Variants in TENM3 observed in about 807,000 individuals in gnomAD.
TENM3 encodes the protein teneurin transmembrane protein 3, also known as teneurin-3.
In TENM3, 63 loss-of-function variants were observed where a neutral mutation model predicts 255.1. The observed-to-expected ratio is 0.25, with a 90% confidence interval of 0.20 to 0.30. The LOEUF (loss-of-function observed/expected upper bound fraction) is 0.30, where lower values mean the gene tolerates loss of function less well. Among genes scored for constraint, TENM3 ranks in the 10% least tolerant of loss-of-function variants. TENM3 has a pLI of 1.00. For missense variants in TENM3, 2,929 were observed against 3,461.1 expected (o/e 0.85, Z 3.86); for synonymous variants, 1,306 against 1,322.3 (o/e 0.99, Z 0.27).
intron 1 of TENM3, among the ~76,000 whole-genome samples, chr4:182,309,717 G>T (rs889496049): frequency 2.0e-5 from 3 of 152,058 alleles, no homozygotes; most frequent in African/African-American, 7.2e-5. Flanking sequence ...TAGCAATTTC[G>T]TAACAGAGGT....
intron 2 of TENM3, among the ~76,000 whole-genome samples, chr4:182,334,822 A>G (rs1035964999): frequency 6.6e-6 from 1 of 152,230 alleles, no homozygotes; most frequent in African/African-American, 2.4e-5. Flanking sequence ...AATGTAAAAA[A>G]TAAAGCAAGA....
intron 6 of TENM3, among the ~76,000 whole-genome samples, chr4:182,661,228 T>A (rs1157962725): frequency 7.4e-6 from 1 of 135,488 alleles, no homozygotes; most frequent in African/African-American, 2.9e-5. Flanking sequence ...TGAGACGGAG[T>A]CTCGCTCTGT....
At chr4:181,894,599 G>A in the TENM3 span, among the ~76,000 whole-genome samples, 2 of 152,054 alleles carry the variant, frequency 1.3e-5, no homozygotes, top group African/African-American at 2.4e-5. Flanking sequence ...ATTGGAAGTC[G>A]AACTTTTTCT....
At chr4:182,085,567 G>T in the TENM3 span, among the ~76,000 whole-genome samples, 2 of 152,082 alleles carry the variant, frequency 1.3e-5, no homozygotes, top group African/African-American at 4.8e-5. Flanking sequence ...ATAAAAATGT[G>T]CCTATCTATT....
intron 1 of TENM3, among the ~76,000 whole-genome samples, chr4:182,248,738 A>G (rs1171592531): frequency 6.6e-6 from 1 of 152,214 alleles, no homozygotes; most frequent in Non-Finnish European, 1.5e-5. Context: ...GTGCCAGCTC[A>G]TATTTGAAGG....
At chr4:182,509,137 G>T (rs1014126143) in intron 3 of TENM3, among the ~76,000 whole-genome samples, 1 of 152,148 alleles carries the variant, frequency 6.6e-6, no homozygotes, top group Non-Finnish European at 1.5e-5. Context: ...TTGTGTTTTG[G>T]TGAAGCATGT....
intron 3 of TENM3, chr4:182,448,875 G>A (rs1184773257): frequency 9.5e-6 from 2 of 210,974 alleles, no homozygotes; most frequent in South Asian, 5.6e-5. Context: ...GGGAGGCGGC[G>A]GTGGCGGCCC....
chr4:182,574,036 G>A (rs1302426427), intron 3 of TENM3, among the ~76,000 whole-genome samples: 2 of 152,010 alleles, frequency 1.3e-5, no homozygotes, highest in African/African-American at 2.4e-5. Flanking sequence ...TTCAAACACA[G>A]GAAAGTACTT....
At chr4:182,206,348 G>T (rs1579713972) in intron 1 of TENM3, among the ~76,000 whole-genome samples, 1 of 152,116 alleles carries the variant, frequency 6.6e-6, no homozygotes, top group East Asian at 1.9e-4. Flanking sequence ...CTCTTAAAAT[G>T]GTAAGTGCCA....
chr4:182,031,027 TC>T, the TENM3 span, among the ~76,000 whole-genome samples: 1 of 152,232 alleles, frequency 6.6e-6, no homozygotes, highest in Admixed American at 6.5e-5. Context: ...GATGATAGTT[TC>T]TTTTGCTGTG....
chr4:181,699,051 A>G, the TENM3 span, among the ~76,000 whole-genome samples: 1 of 152,178 alleles, frequency 6.6e-6, no homozygotes, highest in Non-Finnish European at 1.5e-5. Context: ...TAAAGTTTAC[A>G]GTGTCAATTT....
rs1433248107 is a variant in TENM3, at chr4:182,673,153, C to G, written c.1260C>G (p.Ile420Met). ...AGCCACAGTTTCTTAAATTCAATAT[C>G]TCTCTTCAGAAGGATGCATTGATTG... ...IDQPQFLKFN[I>M]SLQKDALIGV... Residue 420 changes from isoleucine (I) to methionine (M), a missense_variant, in exon 7 of 28, where the codon ATC (isoleucine) becomes ATG (methionine). This residue lies in a region of TENM3 where 1,608 missense variants were observed against 1,884.4 expected (regional missense o/e 0.85). Transcript: ENST00000511685. 7 of 1,613,690 alleles carry G rather than the reference C, an allele frequency of 4.3e-6. No individual in the cohort carries two copies. The highest frequency in any genetic ancestry group is 5.1e-6 in the Non-Finnish European group (6 of 1,179,776).
chr4:182,761,151 G>A (rs181597504), intron 22 of TENM3, among the ~76,000 whole-genome samples: 14 of 152,256 alleles, frequency 9.2e-5, no homozygotes, highest in Non-Finnish European at 1.6e-4. Flanking sequence ...GGGCACGGCG[G>A]CTCACATCTG....
At chr4:181,880,364 A>G in the TENM3 span, among the ~76,000 whole-genome samples, 5 of 152,354 alleles carry the variant, frequency 3.3e-5, no homozygotes, top group Middle Eastern at 6.8e-3. Flanking sequence ...GTAAATATCA[A>G]TAACACATGC....
chr4:181,733,752 C>T, the TENM3 span, among the ~76,000 whole-genome samples: 1 of 152,172 alleles, frequency 6.6e-6, no homozygotes, highest in South Asian at 2.1e-4. Flanking sequence ...ACTTAGAGTC[C>T]CCGGAAGAGG....
At chr4:182,606,757 C>T (rs1350162449) in intron 4 of TENM3, among the ~76,000 whole-genome samples, 1 of 152,132 alleles carries the variant, frequency 6.6e-6, no homozygotes, top group Admixed American at 6.6e-5. Flanking sequence ...TTATTATTAA[C>T]CACTTGTAAT....
chr4:182,138,908 T>C, the TENM3 span, among the ~76,000 whole-genome samples: 1 of 152,202 alleles, frequency 6.6e-6, no homozygotes, highest in Non-Finnish European at 1.5e-5. Flanking sequence ...CATTAAAAAC[T>C]TCATGGTCAG....
chr4:182,196,202 A>G (rs1035336410), intron 1 of TENM3, among the ~76,000 whole-genome samples: 8 of 152,074 alleles, frequency 5.3e-5, no homozygotes, highest in African/African-American at 9.7e-5. Flanking sequence ...TAGACAGCAC[A>G]CCTGCCTACC....
chr4:181,914,632 T>G, the TENM3 span, among the ~76,000 whole-genome samples: 1 of 152,092 alleles, frequency 6.6e-6, no homozygotes, highest in East Asian at 1.9e-4. Flanking sequence ...TGTTTGGGAA[T>G]GTAGAGAGCT....
Sources: allele counts gnomAD v4.1 joint callset (sites outside exome capture counted in the v4.1 genomes callset), GRCh38; gene constraint gnomAD v4.1.1; regional missense constraint gnomAD v4.1.1; transcripts MANE v1.5; gene names NCBI Gene and HGNC (gene_info 2026-07-23, HGNC 2026-07-21).